Variants in RAB38 observed in about 807,000 individuals in gnomAD.
The protein encoded by RAB38 is RAB38, member RAS oncogene family.
RAB38 carries 15 observed loss-of-function variants against 18.4 expected under a neutral mutation model. The observed-to-expected ratio is 0.82, with a 90% confidence interval of 0.55 to 1.26. RAB38 has a LOEUF of 1.26. Ranked by LOEUF, RAB38 falls within the 50% of genes most tolerant of loss-of-function variation. The probability of loss-of-function intolerance (pLI) is 0.00; values close to 1 mark genes in which losing one functional copy is unlikely to be tolerated. For missense variants in RAB38, 294 were observed against 267.4 expected (o/e 1.10, Z -0.69); for synonymous variants, 101 against 104.4 (o/e 0.97, Z 0.20).
At chr11:87,859,783 C>G in the RAB38 span, among the ~76,000 whole-genome samples, 204 of 152,160 alleles carry the variant, frequency 1.3e-3, 6 homozygotes, top group East Asian at 0.037. Flanking sequence ...TGCTTCTTGG[C>G]TCTGCTTCCA....
At chr11:88,027,857 C>A in the RAB38 span, among the ~76,000 whole-genome samples, 1 of 152,148 alleles carries the variant, frequency 6.6e-6, no homozygotes, top group Non-Finnish European at 1.5e-5. Flanking sequence ...CCCTGTCTGA[C>A]AGCTTTGAAG....
the RAB38 span, among the ~76,000 whole-genome samples, chr11:87,941,952 G>A: frequency 1.3e-5 from 2 of 152,118 alleles, no homozygotes; most frequent in African/African-American, 4.8e-5. Context: ...CATTACCCCT[G>A]CCCCTCTCTC....
the RAB38 span, among the ~76,000 whole-genome samples, chr11:88,032,156 C>T: frequency 6.6e-6 from 1 of 151,792 alleles, no homozygotes; most frequent in African/African-American, 2.4e-5. Context: ...ATAAATGGTG[C>T]TGGGAAAACT....
the RAB38 span, among the ~76,000 whole-genome samples, chr11:87,940,127 G>A: frequency 2.0e-5 from 3 of 148,032 alleles, no homozygotes; most frequent in Admixed American, 6.8e-5. Context: ...AGAAAAAAAT[G>A]TAACAGGAAA....
intron 2 of RAB38, among the ~76,000 whole-genome samples, chr11:88,134,200 C>T (rs550660732): frequency 6.6e-6 from 1 of 152,300 alleles, no homozygotes; most frequent in African/African-American, 2.4e-5. Flanking sequence ...ATTGATCCCT[C>T]TGTATCTCAG....
chr11:87,895,858 G>A, the RAB38 span, among the ~76,000 whole-genome samples: 122 of 151,604 alleles, frequency 8.0e-4, no homozygotes, highest in Non-Finnish European at 1.4e-3. Context: ...AGCTGATTGT[G>A]ATGAGTGCTA....
intron 2 of RAB38, among the ~76,000 whole-genome samples, chr11:88,126,217 A>G (rs1398381525): frequency 1.3e-5 from 2 of 152,122 alleles, no homozygotes; most frequent in Non-Finnish European, 2.9e-5. Flanking sequence ...TTGGTTCCAT[A>G]TGAACTTTAA....
chr11:87,824,234 T>A, the RAB38 span, among the ~76,000 whole-genome samples: 1 of 152,176 alleles, frequency 6.6e-6, no homozygotes, highest in African/African-American at 2.4e-5. Context: ...ATCAACTGCC[T>A]TCCCTCTGAA....
chr11:87,856,168 G>A, the RAB38 span, among the ~76,000 whole-genome samples: 5 of 152,236 alleles, frequency 3.3e-5, no homozygotes, highest in East Asian at 3.9e-4. Flanking sequence ...AGGGTTATAC[G>A]TCCTGATCTT....
the RAB38 span, among the ~76,000 whole-genome samples, chr11:88,093,754 C>T: frequency 6.6e-6 from 1 of 151,866 alleles, no homozygotes; most frequent in Non-Finnish European, 1.5e-5. Flanking sequence ...GGCTTCAATC[C>T]ATCTTTCAGC....
the RAB38 span, among the ~76,000 whole-genome samples, chr11:88,074,022 G>A: frequency 0.014 from 2,080 of 147,634 alleles, 19 homozygotes; most frequent in Non-Finnish European, 0.019. Flanking sequence ...AATGAAGATC[G>A]CCTACAATAT....
the RAB38 span, among the ~76,000 whole-genome samples, chr11:87,896,520 A>G: frequency 2.4e-4 from 36 of 151,752 alleles, no homozygotes; most frequent in African/African-American, 8.4e-4. Context: ...AGAAACTCCA[A>G]CTCTCCATTA....
chr11:87,902,427 T>C, the RAB38 span, among the ~76,000 whole-genome samples: 1 of 151,566 alleles, frequency 6.6e-6, no homozygotes, highest in African/African-American at 2.4e-5. Context: ...GGGGGTCTAT[T>C]TCTGGACTCT....
the RAB38 span, among the ~76,000 whole-genome samples, chr11:87,968,270 T>C: frequency 1.3e-5 from 2 of 152,166 alleles, no homozygotes; most frequent in African/African-American, 4.8e-5. Context: ...GAGTAAAATC[T>C]GGTGTCTCAG....
chr11:88,023,051 T>C, the RAB38 span, among the ~76,000 whole-genome samples: 2 of 152,066 alleles, frequency 1.3e-5, no homozygotes, highest in Non-Finnish European at 2.9e-5. Flanking sequence ...CTAATGGGTG[T>C]TAGGCTTAAT....
the RAB38 span, among the ~76,000 whole-genome samples, chr11:88,026,701 G>A: frequency 6.6e-6 from 1 of 151,790 alleles, no homozygotes; most frequent in African/African-American, 2.4e-5. Flanking sequence ...ATTCTTATAG[G>A]AAAAGTGTTG....
the RAB38 span, among the ~76,000 whole-genome samples, chr11:87,875,022 A>T: frequency 2.4e-4 from 37 of 151,734 alleles, no homozygotes; most frequent in African/African-American, 8.7e-4. Context: ...CATTATTCAC[A>T]ATAACCAAGA....
At chr11:87,841,180 C>A in the RAB38 span, among the ~76,000 whole-genome samples, 2 of 152,070 alleles carry the variant, frequency 1.3e-5, no homozygotes, top group African/African-American at 4.8e-5. Flanking sequence ...GTGTCCCCAC[C>A]CAAATCTCAC....
the RAB38 span, among the ~76,000 whole-genome samples, chr11:87,922,024 C>T: frequency 2.0e-5 from 3 of 151,968 alleles, no homozygotes; most frequent in East Asian, 1.9e-4. Flanking sequence ...CACCTGTACC[C>T]TTTGTTCTGA....
Sources: allele counts gnomAD v4.1 joint callset (sites outside exome capture counted in the v4.1 genomes callset), GRCh38; gene constraint gnomAD v4.1.1; transcripts MANE v1.5; gene names NCBI Gene and HGNC (gene_info 2026-07-23, HGNC 2026-07-21).